The following SLC33A1 variants were observed in gnomAD, a reference collection of about 807,000 sequenced individuals.
SLC33A1 encodes the protein solute carrier family 33 member 1.
Under a neutral mutation model 50.0 loss-of-function variants are expected in SLC33A1, and 20 were observed. The observed-to-expected ratio is 0.40, with a 90% CI of 0.28 to 0.58. The LOEUF (loss-of-function observed/expected upper bound fraction) is 0.58, where lower values mean the gene tolerates loss of function less well. SLC33A1 is among the 20% of genes least tolerant of loss of function. The pLI, the probability that SLC33A1 is intolerant of heterozygous loss-of-function variation, is 0.44. For synonymous variants in SLC33A1, 265 were observed against 251.8 expected, an observed-to-expected ratio of 1.05 and a Z score of -0.50; for missense variants, 476 against 657.0, an observed-to-expected ratio of 0.72 and a Z score of 3.01.
chr3:155,852,333 AAAAAGAG>A (rs1329737870), intron 1 of SLC33A1, among the ~76,000 whole-genome samples: 1 of 152,154 alleles, frequency 6.6e-6, no homozygotes, highest in Non-Finnish European at 1.5e-5. Flanking sequence ...AGAAAAAAGA[AAAAAGAG>A]AAAAACTTAC....
At position 155,834,074 on chromosome 3, in the gene SLC33A1, C is replaced by G. The variant is rs780103966; in HGVS notation, c.964-33G>C. ...ATAAAAACAAAAAAGTATTTTAATT[C>G]GTGACTTATGAAATATTTTCCTCCA... On this transcript the variant is annotated intron_variant, in intron 2 of 5. Coordinates refer to ENST00000643144, the MANE Select transcript of SLC33A1 (RefSeq NM_004733.4). 10 of 1,575,312 alleles carry G rather than the reference C, an allele frequency of 6.3e-6. No individual in the cohort carries two copies. In the South Asian group the frequency reaches 1.1e-4, roughly 17 times the overall value.
At chr3:155,844,232 A>G (rs1175297086) in intron 1 of SLC33A1, among the ~76,000 whole-genome samples, 1 of 151,810 alleles carries the variant, frequency 6.6e-6, no homozygotes, top group East Asian at 1.9e-4. Flanking sequence ...ATCTCATTTG[A>G]TTCTCATAGC....
At chr3:155,837,355 C>CAAAAAAAA (rs370005455) in intron 2 of SLC33A1, among the ~76,000 whole-genome samples, 1 of 69,382 alleles carries the variant, frequency 1.4e-5, no homozygotes, top group Non-Finnish European at 3.1e-5. Flanking sequence ...GACTCCGTCT[C>CAAAAAAAA]AAAAAAAAAA....
chr3:155,853,609 T>A lies in SLC33A1; in HGVS notation c.389A>T (p.Asp130Val). ...SLKLLWAPLV[D>V]AVYVKNFGRR... ...ACCGAAGTTCTTAACGTAGACCGCA[T>A]CAACCAACGGGGCCCAGAGTAATTT... Residue 130 changes from aspartate to valine, a missense_variant, in exon 1 of 6, where the codon GAT becomes GTT. Transcript: ENST00000643144. 1 of 1,614,174 alleles carries A rather than the reference T, an allele frequency of 6.2e-7. No homozygotes were observed. The highest frequency in any genetic ancestry group is 8.5e-7 in the Non-Finnish European group (1 of 1,180,040).
Position 155,854,065 on chromosome 3 carries a change from A to C in SLC33A1, c.-68T>G. 1 of 1,340,856 alleles carries C rather than the reference A, an allele frequency of 7.5e-7. No individual in the cohort carries two copies. Among genetic ancestry groups the C allele is most frequent in the Non-Finnish European group, 1.0e-6 (1 of 990,674 alleles). The allele number at this position is 1,340,856 out of a possible 1,614,324, so 83.1% of individuals were successfully genotyped here. On this transcript the variant is annotated 5_prime_UTR_variant, in exon 1 of 6. Coordinates refer to ENST00000643144, the MANE Select transcript of SLC33A1 (RefSeq NM_004733.4). ...GAGCGTTTTGGATCCGTCCAGTCCC[A>C]GGTCCAAGGCTGTCGCGCTGGACCA...
At chr3:155,841,276 T>C (rs1181583586) in intron 2 of SLC33A1, among the ~76,000 whole-genome samples, 2 of 152,086 alleles carry the variant, frequency 1.3e-5, no homozygotes, top group Admixed American at 1.3e-4. Context: ...GGTCTTGAAC[T>C]CCTGAGCTCA....
At chr3:155,843,885 C>T (rs920515250) in intron 1 of SLC33A1, among the ~76,000 whole-genome samples, 1 of 152,166 alleles carries the variant, frequency 6.6e-6, no homozygotes, top group Non-Finnish European at 1.5e-5. Context: ...TATTAGATAA[C>T]CCTGTCTCAG....
rs1215589796 is a variant in SLC33A1 at position 155,853,573 on chromosome 3, G to A, written c.425C>T (p.Ser142Phe). Residue 142 changes from serine to phenylalanine, a missense_variant, in exon 1 of 6, where the codon TCT becomes TTT. By Grantham distance (155) the Ser-to-Phe change is radical. Transcript: ENST00000643144. ...VYVKNFGRRK[S>F]WLVPTQYILG... ...TATATACTGTGTCGGGACAAGCCAA[G>A]ATTTGCGACGACCGAAGTTCTTAAC... The A allele has an allele frequency of 2.5e-6, 4 of 1,614,170 alleles. No homozygotes were observed. The highest frequency in any genetic ancestry group is 3.4e-6 in the Non-Finnish European group (4 of 1,180,042).
chr3:155,840,319 C>T (rs1423378874), intron 2 of SLC33A1, among the ~76,000 whole-genome samples: 1 of 151,816 alleles, frequency 6.6e-6, no homozygotes, highest in Non-Finnish European at 1.5e-5. Flanking sequence ...AACTCCTGGC[C>T]TCAAGTGATC....
Position 155,833,872 on chromosome 3 carries a change from T to G in SLC33A1, c.1133A>C (p.Lys378Thr). 1 of 1,613,582 alleles carries G rather than the reference T, an allele frequency of 6.2e-7. No homozygotes were observed. The highest frequency in any genetic ancestry group is 8.5e-7 in the Non-Finnish European group (1 of 1,179,656). The change falls in exon 3 of 6, where the codon AAA becomes ACA. Residue 378 changes from lysine (K) to threonine (T), a missense_variant. By Grantham distance (78) the Lys-to-Thr change is moderately conservative. Coordinates refer to ENST00000643144, the MANE Select transcript of SLC33A1 (RefSeq NM_004733.4). ...AGPQPLNTFY[K>T]AMPYRLLLGL... ...TCATTTTTACCTGTAGGGCATGGCT[T>G]TGTAAAATGTGTTTAATGGCTGGGG...
At chr3:155,852,226 AG>A (rs764917166) in intron 1 of SLC33A1, among the ~76,000 whole-genome samples, 1 of 152,136 alleles carries the variant, frequency 6.6e-6, no homozygotes, top group East Asian at 1.9e-4. Context: ...GAGGCCAAGG[AG>A]GGGGAGAATC....
At chr3:155,841,311 C>T (rs1327738315) in intron 2 of SLC33A1, among the ~76,000 whole-genome samples, 1 of 152,106 alleles carries the variant, frequency 6.6e-6, no homozygotes, top group Admixed American at 6.6e-5. Flanking sequence ...CTTGGCTTCC[C>T]AAAGTGCTGG....
chr3:155,839,373 CAAAAAAAAAAAAAAA>C lies in SLC33A1; in HGVS notation c.963+3044_963+3058del, dbSNP rs1198585213. Among the ~76,000 whole-genome samples, 18 of 18,296 alleles carry C rather than the reference CAAAAAAAAAAAAAAA, an allele frequency of 9.8e-4. 1 individual carries two copies. Among genetic ancestry groups the C allele is most frequent in the African/African-American group, 3.6e-3 (18 of 5,042 alleles). 12.0% of individuals were successfully genotyped at this position (18,296 alleles called of 152,430 possible). ...TGGGCAACAAAGCGAGACTCTGTCT[CAAAAAAAAAAAAAAA>C]AAAAAAAAAAGTCTACTGGAAGGAA... On this transcript the variant is annotated intron_variant, in intron 2 of 5. Coordinates refer to ENST00000643144, the MANE Select transcript of SLC33A1 (RefSeq NM_004733.4).
In SLC33A1 at chr3:155,853,313, T is replaced by C. The variant is rs755014645; in HGVS notation, c.685A>G (p.Asn229Asp). 4 of 1,613,938 alleles carry C rather than the reference T, an allele frequency of 2.5e-6. No homozygotes were observed. In the African/African-American group the frequency reaches 5.3e-5, roughly 22 times the overall value. ...VGQTAGYFLG[N>D]VLFLALESAD... ...GATTCAAGGGCCAAAAACAAAACAT[T>C]GCCCAAAAAGTAACCCGCTGTTTGG... The change falls in exon 1 of 6, where the codon AAT (asparagine) becomes GAT (aspartate). Residue 229 changes from asparagine (N) to aspartate (D), a missense_variant. Asn to Asp is a conservative substitution (Grantham distance 23). Transcript: ENST00000643144.
At chr3:155,852,244 G>A (rs1672525508) in intron 1 of SLC33A1, among the ~76,000 whole-genome samples, 1 of 152,056 alleles carries the variant, frequency 6.6e-6, no homozygotes, top group Non-Finnish European at 1.5e-5. Context: ...AATCACCTGA[G>A]GCCAGGAGTT....
chr3:155,846,454 CT>C (rs34163073), intron 1 of SLC33A1, among the ~76,000 whole-genome samples: 1,535 of 138,330 alleles, frequency 0.011, 8 homozygotes, highest in South Asian at 0.017. Context: ...CCCACACTTC[CT>C]TTTTTTTTTT....
intron 1 of SLC33A1, among the ~76,000 whole-genome samples, chr3:155,848,982 G>A (rs572404637): frequency 2.6e-5 from 4 of 151,324 alleles, no homozygotes; most frequent in Admixed American, 1.3e-4. Flanking sequence ...GTGTGATCTC[G>A]GCTTACTGCA....
At chr3:155,848,992 A>G (rs1436857570) in intron 1 of SLC33A1, among the ~76,000 whole-genome samples, 1 of 150,164 alleles carries the variant, frequency 6.7e-6, no homozygotes, top group East Asian at 2.0e-4. Context: ...GGCTTACTGC[A>G]GCCTCCACCT....
chr3:155,847,751 A>AAAAAAAAT (rs1753231589), intron 1 of SLC33A1, among the ~76,000 whole-genome samples: 1 of 149,100 alleles, frequency 6.7e-6, no homozygotes, highest in African/African-American at 2.5e-5. Flanking sequence ...TCCGTCTCAA[A>AAAAAAAAT]AAATAAATAA....
Sources: allele counts gnomAD v4.1 joint callset (sites outside exome capture counted in the v4.1 genomes callset), GRCh38; gene constraint gnomAD v4.1.1; transcripts MANE v1.5; gene names NCBI Gene and HGNC (gene_info 2026-07-23, HGNC 2026-07-21).